Variants in TMEM232 observed in about 807,000 individuals in gnomAD.
The protein encoded by TMEM232 is transmembrane protein 232.
TMEM232 carries 80 observed loss-of-function variants against 78.8 expected under a neutral mutation model. The ratio of observed to expected loss-of-function variants is 1.01; its 90% CI spans 0.85 to 1.22. The LOEUF (loss-of-function observed/expected upper bound fraction) is 1.22. TMEM232 is among the 50% of genes most tolerant of loss of function. TMEM232 has a pLI of 0.00. For missense variants in TMEM232, 881 were observed against 742.2 expected, an observed-to-expected ratio of 1.19 and a Z score of -2.17; for synonymous variants, 297 against 254.3, an observed-to-expected ratio of 1.17 and a Z score of -1.60.
chr5:110,536,220 A>G (rs774468034), intron 11 of TMEM232, among the ~76,000 whole-genome samples: 15 of 152,248 alleles, frequency 9.9e-5, no homozygotes, highest in Non-Finnish European at 2.1e-4. Context: ...AGAAATGGAA[A>G]GGTTTCCATG....
chr5:110,406,655 T>G (rs1285439968), intron 2 of TMEM232, among the ~76,000 whole-genome samples: 1 of 152,186 alleles, frequency 6.6e-6, no homozygotes, highest in Non-Finnish European at 1.5e-5. Context: ...ATGAACCCAC[T>G]GGTAAAATTA....
intron 12 of TMEM232, among the ~76,000 whole-genome samples, chr5:110,514,531 A>G (rs1480841912): frequency 6.6e-6 from 1 of 152,100 alleles, no homozygotes; most frequent in Non-Finnish European, 1.5e-5. Flanking sequence ...AGCTTAGAGC[A>G]ATGTATAGCT....
chr5:110,676,945 G>A (rs1239170001), intron 1 of TMEM232, among the ~76,000 whole-genome samples: 1 of 151,838 alleles, frequency 6.6e-6, no homozygotes, highest in Non-Finnish European at 1.5e-5. Context: ...TTTTTTAGTA[G>A]AGACGAGGAT....
intron 10 of TMEM232, among the ~76,000 whole-genome samples, chr5:110,579,423 A>G (rs969100921): frequency 8.6e-5 from 13 of 151,802 alleles, no homozygotes; most frequent in African/African-American, 2.7e-4. Context: ...ACTCATTGGT[A>G]AAGATCTTGA....
chr5:110,576,638 T>C (rs1777601964), intron 10 of TMEM232, among the ~76,000 whole-genome samples: 1 of 152,088 alleles, frequency 6.6e-6, no homozygotes, highest in South Asian at 2.1e-4. Flanking sequence ...CAAACTATAC[T>C]GCGGGGCTAC....
At chr5:110,450,864 GAGTTA>G (rs1198074755) in intron 12 of TMEM232, among the ~76,000 whole-genome samples, 2 of 152,130 alleles carry the variant, frequency 1.3e-5, no homozygotes, top group Non-Finnish European at 2.9e-5. Flanking sequence ...TGAAACTTCT[GAGTTA>G]AGTTAGTTAG....
rs914698606 is a variant in TMEM232 at position 110,640,935 on chromosome 5, G to C, written c.299C>G (p.Thr100Ser). The C allele has an allele frequency of 1.2e-5, 18 of 1,541,610 alleles. No individual in the cohort carries two copies. Among genetic ancestry groups the C allele is most frequent in the Non-Finnish European group, 1.4e-5 (16 of 1,141,878 alleles). Residue 100 changes from threonine to serine, a missense_variant, in exon 4 of 14, where the codon ACT becomes AGT. Coordinates refer to ENST00000455884, the MANE Select transcript of TMEM232 (RefSeq NM_001039763.4). ...GRHVHLPAAW[T>S]EVIYLAQCKG... is the part of the protein sequence containing the mutation. ...GCATTGAGCCAGATATATTACTTCA[G>C]TCCATGCAGCAGGAAGATGCACATG...
chr5:110,508,827 C>T (rs984136716), intron 12 of TMEM232, among the ~76,000 whole-genome samples: 1 of 145,420 alleles, frequency 6.9e-6, no homozygotes, highest in Non-Finnish European at 1.5e-5. Context: ...TACACAATGC[C>T]ACTGCTAATT....
intron 1 of TMEM232, among the ~76,000 whole-genome samples, chr5:110,670,438 C>T (rs981567230): frequency 6.6e-6 from 1 of 152,090 alleles, no homozygotes; most frequent in Non-Finnish European, 1.5e-5. Flanking sequence ...ATGTGAAGGA[C>T]CTCTTCAATG....
At chr5:110,480,896 C>G (rs1413229553) in intron 12 of TMEM232, among the ~76,000 whole-genome samples, 1 of 151,960 alleles carries the variant, frequency 6.6e-6, no homozygotes, top group Non-Finnish European at 1.5e-5. Flanking sequence ...TAATAAACAA[C>G]CTACATTGAA....
intron 10 of TMEM232, among the ~76,000 whole-genome samples, chr5:110,589,346 G>A (rs1487182883): frequency 1.3e-5 from 2 of 152,082 alleles, no homozygotes; most frequent in African/African-American, 2.4e-5. Flanking sequence ...TCTAGAAAAC[G>A]CCCAGGAACT....
intron 8 of TMEM232, among the ~76,000 whole-genome samples, chr5:110,606,882 G>C (rs1308029054): frequency 6.6e-6 from 1 of 151,784 alleles, no homozygotes; most frequent in Non-Finnish European, 1.5e-5. Flanking sequence ...TGAAGGTTTT[G>C]AAAATTACAT....
chr5:110,667,304 T>C lies in TMEM232; in HGVS notation c.49A>G (p.Ile17Val). 1 of 1,541,076 alleles carries C rather than the reference T, an allele frequency of 6.5e-7. No individual in the cohort carries two copies. Among genetic ancestry groups the C allele is most frequent in the South Asian group, 1.2e-5 (1 of 82,906 alleles). The change falls in exon 2 of 14, where the codon ATA becomes GTA. Residue 17 changes from isoleucine (I) to valine (V), a missense_variant. Transcript: ENST00000455884. ...KSPMINTCGG[I>V]SSPYHEELWK... The stretch of plus-strand genomic sequence containing the variant: ...AGCTCTTCATGATAAGGGGAAGATA[T>C]GCCTCCACATGTATTAATCATAGGT...
chr5:110,635,506 C>T (rs1434999038), intron 5 of TMEM232, among the ~76,000 whole-genome samples: 2 of 151,952 alleles, frequency 1.3e-5, no homozygotes, highest in East Asian at 3.9e-4. Flanking sequence ...TGGATTTATA[C>T]CAGGGAATCA....
At chr5:110,474,896 A>G (rs776405527) in intron 12 of TMEM232, among the ~76,000 whole-genome samples, 9 of 152,164 alleles carry the variant, frequency 5.9e-5, no homozygotes, top group Non-Finnish European at 1.2e-4. Context: ...ACTGAAGACT[A>G]TACTATGATC....
At chr5:110,693,128 G>T (rs1366365307) in intron 1 of TMEM232, among the ~76,000 whole-genome samples, 1 of 152,158 alleles carries the variant, frequency 6.6e-6, no homozygotes. Context: ...CAATCAGGCA[G>T]CAGCATTTGC....
intron 12 of TMEM232, among the ~76,000 whole-genome samples, chr5:110,431,526 C>CA (rs935496463): frequency 2.6e-5 from 4 of 151,560 alleles, no homozygotes; most frequent in Admixed American, 2.0e-4. Context: ...ATTTTTAATA[C>CA]AAAAAATCCA....
intron 7 of TMEM232, among the ~76,000 whole-genome samples, chr5:110,624,131 T>C (rs1384700864): frequency 6.6e-6 from 1 of 152,142 alleles, no homozygotes; most frequent in Non-Finnish European, 1.5e-5. Flanking sequence ...TGGAATCCTA[T>C]TTGTTTAAAG....
intron 2 of TMEM232, 22 bp downstream of exon 2, chr5:110,667,206 C>T (rs1009134823): frequency 1.3e-6 from 2 of 1,523,952 alleles, no homozygotes; most frequent in East Asian, 2.5e-5. Flanking sequence ...CATATGGGTC[C>T]TATAATTATT....
Sources: allele counts gnomAD v4.1 joint callset (sites outside exome capture counted in the v4.1 genomes callset), GRCh38; gene constraint gnomAD v4.1.1; transcripts MANE v1.5; gene names NCBI Gene and HGNC (gene_info 2026-07-23, HGNC 2026-07-21).